The following AQP1 variants were observed in gnomAD, a reference collection of about 807,000 sequenced individuals.
AQP1 encodes the protein aquaporin 1 (Colton blood group), also known as aquaporin-1.
AQP1 carries 11 observed loss-of-function variants against 19.7 expected under a neutral mutation model. That is an observed-to-expected ratio of 0.56 (90% CI 0.35 to 0.92). AQP1 has a LOEUF of 0.92. Ranked by LOEUF, AQP1 falls within the 40% of genes least tolerant of loss-of-function variation. The pLI is 0.01. For missense variants in AQP1, 320 were observed against 369.7 expected, an observed-to-expected ratio of 0.87 and a Z score of 1.10; for synonymous variants, 159 against 166.7, an observed-to-expected ratio of 0.95 and a Z score of 0.36.
chr7:30,914,662 C>T (rs1229950543), intron 1 of AQP1, among the ~76,000 whole-genome samples: 2 of 152,236 alleles, frequency 1.3e-5, no homozygotes, highest in Non-Finnish European at 2.9e-5. Context: ...GTCTGGGCAG[C>T]AGGTGACACA....
At chr7:30,916,561 A>T (rs28362715) in intron 1 of AQP1, among the ~76,000 whole-genome samples, 1,567 of 152,350 alleles carry the variant, frequency 0.01, 25 homozygotes, top group African/African-American at 0.036. Flanking sequence ...CCTTGCCCAC[A>T]TGGAGTGGTG....
At position 30,915,924 on chromosome 7, in the gene AQP1, G is replaced by A. The variant is rs28362709; in HGVS notation, c.384+3631G>A. Among the ~76,000 whole-genome samples the A allele has an allele frequency of 6.4e-3, 968 of 152,118 alleles. 11 individuals carry two copies. Among genetic ancestry groups the A allele is most frequent in the African/African-American group, 0.022 (923 of 41,518 alleles). ...GAGTTTCCATGTCCCTGCCCAGCCC[G>A]TCCTGCCCAGGGAGGGGCTGGGGGC... On this transcript the variant is annotated intron_variant, in intron 1 of 3. Coordinates refer to ENST00000311813, the MANE Select transcript of AQP1 (RefSeq NM_198098.4).
At chr7:30,922,308 A>G in intron 2 of AQP1, 78 bp downstream of exon 2, 1 of 1,511,736 alleles carries the variant, frequency 6.6e-7, no homozygotes, top group Non-Finnish European at 8.9e-7. Context: ...ATGGGCAGCC[A>G]GTGGGACTCC....
rs1791172654 is a variant in AQP1 at position 30,911,890 on chromosome 7, A to G, written c.-20A>G. ...GAATTGAGCACCCGGCAGCGGTCTC[A>G]GGCCAAGCCCCCTGCCAGCATGGCC... On this transcript the variant is annotated 5_prime_UTR_variant, in exon 1 of 4. Transcript: ENST00000311813. 3 of 1,612,376 alleles carry G rather than the reference A, an allele frequency of 1.9e-6. No individual in the cohort carries two copies. Among genetic ancestry groups the G allele is most frequent in the Non-Finnish European group, 2.5e-6 (3 of 1,179,982 alleles).
intron 1 of AQP1, among the ~76,000 whole-genome samples, chr7:30,915,795 A>G (rs1392843284): frequency 6.6e-6 from 1 of 152,084 alleles, no homozygotes; most frequent in African/African-American, 2.4e-5. Flanking sequence ...TCTGGGCTTC[A>G]GTTTCCCCAG....
At chr7:30,914,319 C>T (rs368196526) in intron 1 of AQP1, among the ~76,000 whole-genome samples, 11 of 152,306 alleles carry the variant, frequency 7.2e-5, no homozygotes, top group Middle Eastern at 3.4e-3. Context: ...TTTGGAGCTG[C>T]GGACCCTGAC....
At position 30,923,392 on chromosome 7, in the gene AQP1, G is replaced by T; in HGVS notation, c.631-58G>T. ...GTGGTGGGCTGTGGGGTAACCTAGG[G>T]AACGCTTCCCAGGGGCTTTTGAGTG... On this transcript the variant is annotated intron_variant, in intron 3 of 3. Transcript: ENST00000311813. The surrounding 1 kb of genome is among the most constrained non-coding windows in gnomAD (Gnocchi z 4.8). 1.9e-6 allele frequency: 3 copies of T among 1,611,664 alleles called. No homozygotes were observed. In the Admixed American group the frequency reaches 5.0e-5, roughly 27 times the overall value.
chr7:30,921,036 C>T (rs935283940), intron 1 of AQP1, among the ~76,000 whole-genome samples: 1 of 152,166 alleles, frequency 6.6e-6, no homozygotes, highest in Non-Finnish European at 1.5e-5. Context: ...GTTTGTCTCC[C>T]AGCTGGGAAG....
intron 1 of AQP1, chr7:30,921,820 G>A (rs1476870096): frequency 6.5e-7 from 1 of 1,550,340 alleles, no homozygotes; most frequent in Non-Finnish European, 8.7e-7. Context: ...TAGGCAGAGT[G>A]GGGCCTGGGT....
intron 1 of AQP1, among the ~76,000 whole-genome samples, chr7:30,913,549 T>C (rs1209312090): frequency 2.6e-5 from 4 of 152,064 alleles, no homozygotes; most frequent in African/African-American, 9.7e-5. Flanking sequence ...AGATGGCAGA[T>C]AGTGATTACA....
chr7:30,923,440 C>G lies in AQP1; in HGVS notation c.631-10C>G. 6.2e-7 allele frequency: 1 copy of G among 1,613,876 alleles called. No homozygotes were observed. Among genetic ancestry groups the G allele is most frequent in the East Asian group, 2.2e-5 (1 of 44,888 alleles). On this transcript the variant is annotated splice_polypyrimidine_tract_variant and intron_variant, in intron 3 of 3. Coordinates refer to ENST00000311813, the MANE Select transcript of AQP1 (RefSeq NM_198098.4). This position sits in a 1 kb window ranked among gnomAD's most constrained non-coding sequence, Gnocchi z 4.8. ...GTGGAGCCCTCTGAACACACCTGCT[C>G]TGTTCCTAGATTTTCTGGGTGGGGC... is the stretch of plus-strand genomic sequence containing the variant.
intron 1 of AQP1, among the ~76,000 whole-genome samples, chr7:30,915,031 A>G (rs563139930): frequency 5.9e-5 from 9 of 152,352 alleles, no homozygotes; most frequent in Non-Finnish European, 1.0e-4. Flanking sequence ...CACTAACACC[A>G]TGTGGCATCA....
rs756156040 is a variant in AQP1, at chr7:30,912,921, C to T, written c.384+628C>T. On this transcript the variant is annotated intron_variant, in intron 1 of 3. Transcript: ENST00000311813. This position sits in a 1 kb window ranked among gnomAD's most constrained non-coding sequence, Gnocchi z 4.3. The stretch of plus-strand genomic sequence containing the variant: ...CAGTTTTCCTGGATTACAGTATGGG[C>T]TGGGGGGCAAGCGCTGGGCTCCATG... 2.0e-4 allele frequency among the ~76,000 whole-genome samples: 31 copies of T among 152,184 alleles called. No individual in the cohort carries two copies. Among genetic ancestry groups the T allele is most frequent in the Non-Finnish European group, 1.9e-4 (13 of 68,004 alleles).
chr7:30,916,041 G>A (rs1791342935), intron 1 of AQP1, among the ~76,000 whole-genome samples: 2 of 152,158 alleles, frequency 1.3e-5, no homozygotes, highest in Non-Finnish European at 2.9e-5. Context: ...CTTTGTGGTG[G>A]AGACTTCCCT....
chr7:30,923,779 T>C lies in AQP1; in HGVS notation c.*150T>C. ...CAGACCTGCATGGTCAAGCCTCTTA[T>C]GGGGGTGTTTCTATCTCTTTCTTTC... On this transcript the variant is annotated 3_prime_UTR_variant, in exon 4 of 4. Transcript: ENST00000311813. The surrounding 1 kb of genome is among the most constrained non-coding windows in gnomAD (Gnocchi z 4.8). 6.6e-7 allele frequency: 1 copy of C among 1,511,742 alleles called. No homozygotes were observed. Among genetic ancestry groups the C allele is most frequent in the Non-Finnish European group, 8.9e-7 (1 of 1,127,826 alleles). The allele number at this position is 1,511,742 out of a possible 1,614,324, so 93.6% of individuals were successfully genotyped here. A position where few individuals can be genotyped will look rare whatever the true frequency, so the allele number is the denominator to read the frequency against.
Position 30,924,294 on chromosome 7 carries a change from G to T in AQP1, c.*665G>T, listed in dbSNP as rs940883990. ...GTGCAAACACAGCATGGGTCCAGAA[G>T]ACGTGGTCTAGACCAGGGCTGCTCT... On this transcript the variant is annotated 3_prime_UTR_variant, in exon 4 of 4. Coordinates refer to ENST00000311813, the MANE Select transcript of AQP1 (RefSeq NM_198098.4). 8 of 266,770 alleles carry T rather than the reference G, an allele frequency of 3.0e-5. No individual in the cohort carries two copies. Among genetic ancestry groups the T allele is most frequent in the Non-Finnish European group, 4.8e-5 (7 of 147,086 alleles). The allele number at this position is 266,770 out of a possible 1,614,324, so 16.5% of individuals were successfully genotyped here.
Position 30,923,357 on chromosome 7 carries a change from G to T in AQP1, c.631-93G>T. 13 of 1,593,672 alleles carry T rather than the reference G, an allele frequency of 8.2e-6. No homozygotes were observed. The highest frequency in any genetic ancestry group is 1.1e-5 in the Non-Finnish European group (13 of 1,170,232). On this transcript the variant is annotated intron_variant, in intron 3 of 3. Coordinates refer to ENST00000311813, the MANE Select transcript of AQP1 (RefSeq NM_198098.4). The surrounding 1 kb of genome is among the most constrained non-coding windows in gnomAD (Gnocchi z 4.8). ...CCTCCATCCCAGGTGGGAAAAACCT[G>T]TCCAACGGGGTGGTGGGCTGTGGGG...
At position 30,912,980 on chromosome 7, in the gene AQP1, G is replaced by A. The variant is rs139588103; in HGVS notation, c.384+687G>A. Among the ~76,000 whole-genome samples, 32 of 152,138 alleles carry A rather than the reference G, an allele frequency of 2.1e-4. No individual in the cohort carries two copies. The highest frequency in any genetic ancestry group is 3.7e-4 in the Non-Finnish European group (25 of 67,988). Reference sequence around the variant, plus strand: ...GCACTGAGAGGTGTGGCGTGTGTGTGCATGTGCGTGTGCGTGTGTGTGTGT... The same window carrying A: ...GCACTGAGAGGTGTGGCGTGTGTGTACATGTGCGTGTGCGTGTGTGTGTGT... On this transcript the variant is annotated intron_variant, in intron 1 of 3. Transcript: ENST00000311813. This position sits in a 1 kb window ranked among gnomAD's most constrained non-coding sequence, Gnocchi z 4.3.
In AQP1 at chr7:30,924,115, C is replaced by A. The variant is rs746884908; in HGVS notation, c.*486C>A. The A allele has an allele frequency of 1.8e-5, 22 of 1,195,360 alleles. No homozygotes were observed. The highest frequency in any genetic ancestry group is 2.0e-5 in the Non-Finnish European group (19 of 944,682). 74.0% of individuals were successfully genotyped at this position (1,195,360 alleles called of 1,614,324 possible). Reference sequence around the variant, plus strand: ...ATCCCAGGAGGTGCAGTGGAGGGGGCAAGCTTTGCTCCTTCAGTTCTGCTT... The same window carrying A: ...ATCCCAGGAGGTGCAGTGGAGGGGGAAAGCTTTGCTCCTTCAGTTCTGCTT... On this transcript the variant is annotated 3_prime_UTR_variant, in exon 4 of 4. Coordinates refer to ENST00000311813, the MANE Select transcript of AQP1 (RefSeq NM_198098.4).
Sources: allele counts gnomAD v4.1 joint callset (sites outside exome capture counted in the v4.1 genomes callset), GRCh38; gene constraint gnomAD v4.1.1; non-coding constraint Gnocchi (gnomAD v3.1); transcripts MANE v1.5; gene names NCBI Gene and HGNC (gene_info 2026-07-23, HGNC 2026-07-21).